COLEC12: variants seen among roughly 807,000 people sequenced by gnomAD.
The protein encoded by COLEC12 is collectin-12.
Under a neutral mutation model 71.1 loss-of-function variants are expected in COLEC12, and 33 were observed. The observed-to-expected ratio is 0.46, with a 90% CI of 0.35 to 0.62. The LOEUF (loss-of-function observed/expected upper bound fraction) is 0.62. COLEC12 is among the 20% of genes least tolerant of loss of function. The probability of loss-of-function intolerance (pLI) is 0.00; values close to 1 mark genes in which losing one functional copy is unlikely to be tolerated. For synonymous variants in COLEC12, 350 were observed against 353.0 expected (o/e 0.99, Z 0.10); for missense variants, 765 against 916.1 (o/e 0.84, Z 2.13).
chr18:426,457 T>C (rs1049887962), intron 2 of COLEC12, among the ~76,000 whole-genome samples: 2 of 152,106 alleles, frequency 1.3e-5, no homozygotes, highest in African/African-American at 4.8e-5. Context: ...CATGAGTAAA[T>C]TTTGTGCAGT....
At chr18:388,294 T>C (rs555499683) in intron 2 of COLEC12, among the ~76,000 whole-genome samples, 17 of 152,344 alleles carry the variant, frequency 1.1e-4, no homozygotes, top group African/African-American at 3.8e-4. Flanking sequence ...TATTTTATTA[T>C]AGTCAAATAC....
chr18:379,333 C>T (rs1915182041), intron 2 of COLEC12, among the ~76,000 whole-genome samples: 1 of 151,876 alleles, frequency 6.6e-6, no homozygotes, highest in African/African-American at 2.4e-5. Flanking sequence ...CACTATATTA[C>T]CCAGGCTGGT....
chr18:346,644 G>A lies in COLEC12; in HGVS notation c.978C>T (p.Ala326=), dbSNP rs771319791. The A allele has an allele frequency of 6.2e-7, 1 of 1,614,174 alleles. No individual in the cohort carries two copies. The highest frequency in any genetic ancestry group is 8.5e-7 in the Non-Finnish European group (1 of 1,180,000). The change falls in exon 5 of 10, where the codon GCC becomes GCT. Residue 326 remains alanine (A), a synonymous_variant. Coordinates refer to ENST00000400256, the MANE Select transcript of COLEC12 (RefSeq NM_130386.3). The surrounding 1 kb of genome is among the most constrained non-coding windows in gnomAD (Gnocchi z 4.0). The part of the protein sequence containing the change: ...DLHKDAENRT[A]IKFNQLEERF... ...GTTCCTCCAGTTGGTTGAACTTGAT[G>A]GCTGTTCTATTCTCTGCATCTTTGT... is the stretch of plus-strand genomic sequence containing the variant.
At chr18:330,490 T>G (rs201109585) in intron 8 of COLEC12, among the ~76,000 whole-genome samples, 3 of 50,366 alleles carry the variant, frequency 6.0e-5, no homozygotes, top group Non-Finnish European at 1.1e-4. Flanking sequence ...ACTCAGAGGG[T>G]TTTTTTTTTT....
At chr18:365,651 C>T (rs746219768) in intron 2 of COLEC12, among the ~76,000 whole-genome samples, 32 of 151,904 alleles carry the variant, frequency 2.1e-4, no homozygotes, top group African/African-American at 7.3e-4. Flanking sequence ...TATCAGATGG[C>T]GATTAAAAAA....
intron 1 of COLEC12, among the ~76,000 whole-genome samples, chr18:487,887 G>A (rs1478401963): frequency 9.2e-5 from 14 of 152,182 alleles, no homozygotes; most frequent in Non-Finnish European, 1.5e-4. Flanking sequence ...ATTGACCTGT[G>A]TAATGTTCTG....
At chr18:358,132 C>T (rs115749339) in intron 2 of COLEC12, among the ~76,000 whole-genome samples, 1,866 of 152,232 alleles carry the variant, frequency 0.012, 36 homozygotes, top group African/African-American at 0.043. Flanking sequence ...CCCTGTCCAT[C>T]CATGGAAAAA....
At chr18:496,653 A>G (rs1917718948) in intron 1 of COLEC12, among the ~76,000 whole-genome samples, 1 of 152,228 alleles carries the variant, frequency 6.6e-6, no homozygotes, top group East Asian at 1.9e-4. Flanking sequence ...TTACTAGTGC[A>G]TTTTAAATAT....
chr18:442,978 A>T (rs574460512), intron 2 of COLEC12, among the ~76,000 whole-genome samples: 70 of 152,304 alleles, frequency 4.6e-4, no homozygotes, highest in African/African-American at 1.5e-3. Flanking sequence ...TAAATAAAAT[A>T]AAATAAAAGC....
chr18:372,861 G>C (rs1027065071), intron 2 of COLEC12, among the ~76,000 whole-genome samples: 2 of 152,198 alleles, frequency 1.3e-5, no homozygotes, highest in Non-Finnish European at 1.5e-5. Flanking sequence ...CAGGAAGAGG[G>C]GATCCACATG....
intron 2 of COLEC12, among the ~76,000 whole-genome samples, chr18:386,568 C>G (rs546377499): frequency 5.2e-4 from 79 of 152,326 alleles, no homozygotes; most frequent in Non-Finnish European, 1.0e-4. Flanking sequence ...TAACCTCTCA[C>G]CCTTCAGATA....
intron 1 of COLEC12, among the ~76,000 whole-genome samples, chr18:490,666 A>G (rs1359078890): frequency 1.3e-5 from 2 of 152,240 alleles, no homozygotes; most frequent in Admixed American, 6.5e-5. Context: ...CCAACAGATA[A>G]CCAGCACTGA....
At chr18:400,279 T>C (rs1404654775) in intron 2 of COLEC12, among the ~76,000 whole-genome samples, 2 of 152,164 alleles carry the variant, frequency 1.3e-5, no homozygotes, top group African/African-American at 4.8e-5. Flanking sequence ...CAACAGTTTA[T>C]AGGATAAGTA....
intron 2 of COLEC12, among the ~76,000 whole-genome samples, chr18:378,969 C>A (rs1400153862): frequency 6.6e-6 from 1 of 152,122 alleles, no homozygotes; most frequent in Non-Finnish European, 1.5e-5. Context: ...TCCTGAATGG[C>A]CTTGGGTGAG....
Position 408,342 on chromosome 18 carries a change from A to G in COLEC12, c.59-50820T>C, listed in dbSNP as rs1441472245. On this transcript the variant is annotated intron_variant, in intron 2 of 9. Coordinates refer to ENST00000400256, the MANE Select transcript of COLEC12 (RefSeq NM_130386.3). This position sits in a 1 kb window ranked among gnomAD's most constrained non-coding sequence, Gnocchi z 4.3. ...TCTTTTTCCTAACTCAGCAGGTATC[A>G]GATTCTTAAATTTAAGAATCAGAAA... 6.6e-6 allele frequency among the ~76,000 whole-genome samples: 1 copy of G among 152,238 alleles called. No individual in the cohort carries two copies. The highest frequency in any genetic ancestry group is 2.4e-5 in the African/African-American group (1 of 41,458).
intron 2 of COLEC12, among the ~76,000 whole-genome samples, chr18:369,447 ATG>A (rs1196417809): frequency 5.4e-5 from 4 of 74,188 alleles, no homozygotes; most frequent in African/African-American, 1.1e-4. Flanking sequence ...TTTTGGAATA[ATG>A]TTTTTTTTTT....
chr18:392,565 TG>T (rs1248845321), intron 2 of COLEC12, among the ~76,000 whole-genome samples: 1 of 152,260 alleles, frequency 6.6e-6, no homozygotes, highest in African/African-American at 2.4e-5. Flanking sequence ...AGATGCTATT[TG>T]GTGAAATGCC....
rs1555611774 is a variant in COLEC12 at position 319,341 on chromosome 18, A to AATATATATATATATATAT, written c.*686_*703dup. 1.5e-5 allele frequency: 1 copy of AATATATATATATATATAT among 67,184 alleles called. No homozygotes were observed. The allele number at this position is 67,184 out of a possible 1,614,324, so 4.2% of individuals were successfully genotyped here. On this transcript the variant is annotated 3_prime_UTR_variant, in exon 10 of 10. Transcript: ENST00000400256. ...AACATTAAAAAAAAAAAAAAAAAAAAATATATATATATATATATATATACA... is the reference window on the plus strand; with the variant it reads ...AACATTAAAAAAAAAAAAAAAAAAAAATATATATATATATATATATATATATATATATATATATATACA...
chr18:441,090 T>C (rs1025766234), intron 2 of COLEC12, among the ~76,000 whole-genome samples: 7 of 24,640 alleles, frequency 2.8e-4, no homozygotes, highest in East Asian at 0.083. Flanking sequence ...CTACTAAAAA[T>C]ACAAAAAATT....
Sources: gnomAD v4.1 joint callset for allele counts (sites outside exome capture counted in the v4.1 genomes callset) on GRCh38, gnomAD v4.1.1 for gene constraint, Gnocchi (gnomAD v3.1) non-coding constraint, MANE v1.5 for transcripts, NCBI Gene and HGNC (gene_info 2026-07-23, HGNC 2026-07-21) for gene names.